CLIC5: variants seen among roughly 807,000 people sequenced by gnomAD.
CLIC5 encodes the protein chloride intracellular channel protein 5.
CLIC5 carries 20 observed loss-of-function variants against 24.7 expected under a neutral mutation model. That is an observed-to-expected ratio of 0.81 (90% CI 0.57 to 1.18). CLIC5 has a LOEUF of 1.18. CLIC5 is among the 50% of genes most tolerant of loss of function. The pLI is 0.00. For synonymous variants in CLIC5, 159 were observed against 135.6 expected, an observed-to-expected ratio of 1.17 and a Z score of -1.20; for missense variants, 341 against 326.1, an observed-to-expected ratio of 1.05 and a Z score of -0.35.
chr6:46,065,863 A>G (rs1762425774), intron 1 of CLIC5, among the ~76,000 whole-genome samples: 1 of 152,172 alleles, frequency 6.6e-6, no homozygotes, highest in Non-Finnish European at 1.5e-5. Context: ...ACATTTGTCA[A>G]AACTCCCTCA....
At chr6:46,005,196 T>C (rs2127436164) in intron 1 of CLIC5, among the ~76,000 whole-genome samples, 1 of 152,314 alleles carries the variant, frequency 6.6e-6, no homozygotes, top group African/African-American at 2.4e-5. Flanking sequence ...AGGTAATGGG[T>C]TCCCAGTTGG....
At chr6:45,924,360 C>A (rs532404994) in intron 4 of CLIC5, among the ~76,000 whole-genome samples, 111 of 152,278 alleles carry the variant, frequency 7.3e-4, no homozygotes, top group Non-Finnish European at 1.3e-3. Context: ...AGATATGCTA[C>A]AAGTACACCT....
At chr6:45,955,048 G>T in intron 2 of CLIC5, 87 bp downstream of exon 2, 1 of 878,554 alleles carries the variant, frequency 1.1e-6, no homozygotes, top group Non-Finnish European at 1.8e-6. Context: ...GGGCTGCTGG[G>T]AGCCACGGAA....
intron 1 of CLIC5, among the ~76,000 whole-genome samples, chr6:46,032,981 A>AT (rs35845581): frequency 0.016 from 1,286 of 78,886 alleles, 17 homozygotes; most frequent in East Asian, 0.042. Flanking sequence ...GGAAATCTAC[A>AT]TTTTTTTTTT....
chr6:46,039,364 T>G (rs1354280242), intron 1 of CLIC5, among the ~76,000 whole-genome samples: 1 of 147,688 alleles, frequency 6.8e-6, no homozygotes, highest in East Asian at 2.0e-4. Flanking sequence ...AAAGTAAATT[T>G]AGACCATAAT....
At chr6:46,009,499 T>C (rs1295936843) in intron 1 of CLIC5, among the ~76,000 whole-genome samples, 1 of 152,134 alleles carries the variant, frequency 6.6e-6, no homozygotes, top group Non-Finnish European at 1.5e-5. Context: ...CTTAGGAAAC[T>C]CATGCTTAAC....
the CLIC5 span, among the ~76,000 whole-genome samples, chr6:46,093,878 A>C: frequency 2.6e-5 from 4 of 152,252 alleles, no homozygotes; most frequent in Admixed American, 2.0e-4. Flanking sequence ...CACTGCTGTA[A>C]AGAAATACCT....
At chr6:45,913,431 T>A (rs1308491157) in intron 5 of CLIC5, among the ~76,000 whole-genome samples, 2 of 152,182 alleles carry the variant, frequency 1.3e-5, no homozygotes, top group African/African-American at 4.8e-5. Flanking sequence ...CAGGGAGGCA[T>A]GCTTGGGCTC....
intron 1 of CLIC5, among the ~76,000 whole-genome samples, chr6:46,070,109 CAA>C (rs1045116993): frequency 1.3e-5 from 2 of 152,122 alleles, no homozygotes; most frequent in African/African-American, 4.8e-5. Flanking sequence ...AGGCAAGATC[CAA>C]CATCATACTG....
intron 1 of CLIC5, among the ~76,000 whole-genome samples, chr6:45,982,870 T>A (rs897649473): frequency 8.5e-5 from 13 of 152,186 alleles, no homozygotes; most frequent in African/African-American, 3.1e-4. Flanking sequence ...CTTTTATCTC[T>A]TTTCTGGGAA....
intron 6 of CLIC5, among the ~76,000 whole-genome samples, chr6:45,881,387 C>G (rs917331779): frequency 1.3e-5 from 2 of 152,100 alleles, no homozygotes; most frequent in African/African-American, 4.8e-5. Context: ...ATGGGCTTTT[C>G]TCCCTGGCTG....
chr6:45,912,018 T>G, intron 5 of CLIC5: 1 of 985,212 alleles, frequency 1.0e-6, no homozygotes, highest in Non-Finnish European at 1.2e-6. Context: ...AAGAGGAGAG[T>G]GAGCATGAAA....
intron 5 of CLIC5, chr6:45,913,768 G>A: frequency 5.7e-6 from 7 of 1,230,860 alleles, no homozygotes; most frequent in Non-Finnish European, 7.1e-6. Context: ...GGAAAATAAT[G>A]TGGGCTCACC....
upstream of CLIC5, among the ~76,000 whole-genome samples, chr6:46,083,405 G>T (rs1053018696): frequency 3.3e-5 from 5 of 152,050 alleles, no homozygotes; most frequent in African/African-American, 1.2e-4. Context: ...TTCTCTTGTG[G>T]GCATTTAGTG....
intron 1 of CLIC5, among the ~76,000 whole-genome samples, chr6:46,034,750 C>G (rs1387362235): frequency 6.6e-6 from 1 of 152,236 alleles, no homozygotes; most frequent in Non-Finnish European, 1.5e-5. Flanking sequence ...AGCTCAAGCA[C>G]TGTGCTCTTT....
At chr6:46,003,427 A>G (rs1231943030) in intron 1 of CLIC5, among the ~76,000 whole-genome samples, 1 of 152,214 alleles carries the variant, frequency 6.6e-6, no homozygotes, top group Non-Finnish European at 1.5e-5. Context: ...TTGCAAAAAC[A>G]ACAACAACAC....
intron 4 of CLIC5, 61 bp from the exon 5 acceptor site, chr6:45,914,470 G>C (rs897936341): frequency 2.1e-6 from 3 of 1,455,836 alleles, no homozygotes; most frequent in African/African-American, 1.4e-5. Context: ...ACAGTCATAG[G>C]GTCTTCAGAG....
chr6:45,893,855 AC>A (rs1381888559), downstream of CLIC5, among the ~76,000 whole-genome samples: 4 of 152,158 alleles, frequency 2.6e-5, no homozygotes, highest in African/African-American at 9.7e-5. Flanking sequence ...CCTTATGTGG[AC>A]TAAAAAAAGA....
the CLIC5 span, among the ~76,000 whole-genome samples, chr6:46,099,440 G>C: frequency 6.6e-5 from 10 of 152,348 alleles, no homozygotes; most frequent in Admixed American, 2.0e-4. Flanking sequence ...AAGTGAAACA[G>C]TAGACAGCCA....
Sources: gnomAD v4.1 joint callset for allele counts (sites outside exome capture counted in the v4.1 genomes callset) on GRCh38, gnomAD v4.1.1 for gene constraint, MANE v1.5 for transcripts, NCBI Gene and HGNC (gene_info 2026-07-23, HGNC 2026-07-21) for gene names.